GPHN: variants seen among roughly 807,000 people sequenced by gnomAD.
The protein encoded by GPHN is gephyrin.
In GPHN, 17 loss-of-function variants were observed where a neutral mutation model predicts 95.5. The observed-to-expected ratio is 0.18, with a 90% confidence interval of 0.12 to 0.27. The LOEUF is 0.27. Ranked by LOEUF, GPHN falls within the 10% of genes least tolerant of loss-of-function variation. The probability of loss-of-function intolerance (pLI) is 1.00; values close to 1 mark genes in which losing one functional copy is unlikely to be tolerated. For missense variants in GPHN, 660 were observed against 978.1 expected (o/e 0.67, Z 4.34); for synonymous variants, 320 against 322.5 (o/e 0.99, Z 0.08).
At chr14:66,656,774 G>A (rs2065331317) in intron 1 of GPHN, among the ~76,000 whole-genome samples, 1 of 152,116 alleles carries the variant, frequency 6.6e-6, no homozygotes, top group South Asian at 2.1e-4. Flanking sequence ...AATAAATGTT[G>A]TGTGTGTTCT....
In GPHN at chr14:66,555,711, A is replaced by G. The variant is rs374751222; in HGVS notation, c.64+47120A>G. Among the ~76,000 whole-genome samples the G allele has an allele frequency of 5.3e-5, 8 of 152,278 alleles. No individual in the cohort carries two copies. The East Asian group carries it at 1.5e-3, about 29-fold the overall frequency. On this transcript the variant is annotated intron_variant, in intron 1 of 22. Transcript: ENST00000478722. ...TTTGGGATTTCTCCTGAGTCATCTT[A>G]GGAGAACACTAACTTATCTGTTAGT...
At chr14:67,011,254 A>G (rs2072982497) in intron 9 of GPHN, among the ~76,000 whole-genome samples, 1 of 152,062 alleles carries the variant, frequency 6.6e-6, no homozygotes, top group Non-Finnish European at 1.5e-5. Context: ...TTTCCTTTGC[A>G]TAGAATTCTC....
the GPHN span, among the ~76,000 whole-genome samples, chr14:67,622,433 G>C: frequency 6.6e-6 from 1 of 152,166 alleles, no homozygotes; most frequent in Non-Finnish European, 1.5e-5. Flanking sequence ...TGGATATGGT[G>C]ACATGGATTC....
the GPHN span, chr14:67,317,332 T>C: frequency 7.9e-7 from 1 of 1,258,990 alleles, no homozygotes; most frequent in Non-Finnish European, 1.1e-6. Flanking sequence ...AATGAATAAA[T>C]AGAGTTCTTC....
the GPHN span, among the ~76,000 whole-genome samples, chr14:67,380,993 C>A: frequency 6.6e-6 from 1 of 152,090 alleles, no homozygotes; most frequent in Non-Finnish European, 1.5e-5. Flanking sequence ...CTAAAGGTAG[C>A]CCTTTTTTTA....
intron 1 of GPHN, among the ~76,000 whole-genome samples, chr14:66,652,821 C>T (rs540371564): frequency 9.3e-4 from 142 of 152,220 alleles, no homozygotes; most frequent in African/African-American, 3.3e-3. Context: ...CTCCTTTCTC[C>T]CATCCCAGCA....
At chr14:67,104,029 G>GTACACTCATTCTTTCTATA (rs2077891050) in intron 13 of GPHN, among the ~76,000 whole-genome samples, 1 of 151,970 alleles carries the variant, frequency 6.6e-6, no homozygotes, top group Non-Finnish European at 1.5e-5. Context: ...CCTTCACTGT[G>GTACACTCATTCTTTCTATA]TACACTCATT....
the GPHN span, chr14:67,592,789 T>C: frequency 1.0e-6 from 1 of 967,212 alleles, no homozygotes; most frequent in Non-Finnish European, 1.6e-6. Flanking sequence ...CTTTTTCCTT[T>C]ATTTATTTAT....
chr14:66,752,980 G>A (rs1047298564), intron 2 of GPHN, among the ~76,000 whole-genome samples: 1 of 150,086 alleles, frequency 6.7e-6, no homozygotes, highest in South Asian at 2.1e-4. Context: ...ATAAATAATT[G>A]TAATATAGAA....
At chr14:67,218,370 G>A in the GPHN span, among the ~76,000 whole-genome samples, 1 of 152,094 alleles carries the variant, frequency 6.6e-6, no homozygotes, top group African/African-American at 2.4e-5. Flanking sequence ...TTACTGGGTG[G>A]GTGGCCCACA....
At chr14:67,094,029 A>G (rs1377352276) in intron 12 of GPHN, among the ~76,000 whole-genome samples, 7 of 152,100 alleles carry the variant, frequency 4.6e-5, no homozygotes, top group East Asian at 1.9e-4. Flanking sequence ...TGCCATCTCT[A>G]TGTGCTCTAA....
chr14:67,541,335 TC>T, the GPHN span, among the ~76,000 whole-genome samples: 6 of 152,360 alleles, frequency 3.9e-5, no homozygotes, highest in African/African-American at 1.4e-4. Flanking sequence ...CTCCCACTTT[TC>T]CCAGCTCCCA....
chr14:66,681,338 A>C (rs143153065), intron 2 of GPHN, among the ~76,000 whole-genome samples, 153 bp downstream of exon 2: 4 of 152,294 alleles, frequency 2.6e-5, no homozygotes, highest in Non-Finnish European at 4.4e-5. Context: ...CTGACAGAAC[A>C]GTTCAGAAAT....
chr14:67,100,817 C>T, intron 12 of GPHN, 39 bp from the exon 13 acceptor site: 1 of 1,354,688 alleles, frequency 7.4e-7, no homozygotes, highest in Middle Eastern at 1.8e-4. Context: ...GCTGTAGGTC[C>T]ATACTGATGT....
At chr14:66,718,375 G>C (rs184633084) in intron 2 of GPHN, among the ~76,000 whole-genome samples, 96 of 152,162 alleles carry the variant, frequency 6.3e-4, no homozygotes, top group Non-Finnish European at 1.1e-3. Flanking sequence ...CGATGGGTTC[G>C]TGGTCTCGCT....
At chr14:67,502,856 A>G in the GPHN span, among the ~76,000 whole-genome samples, 351 of 152,292 alleles carry the variant, frequency 2.3e-3, 2 homozygotes, top group African/African-American at 7.9e-3. Flanking sequence ...TTCTGTGTGT[A>G]AAACCTTGTA....
At chr14:67,668,732 T>G in the GPHN span, among the ~76,000 whole-genome samples, 1 of 152,182 alleles carries the variant, frequency 6.6e-6, no homozygotes, top group Non-Finnish European at 1.5e-5. Context: ...AGAAACCCCC[T>G]GGAGGGCTGT....
At position 66,740,953 on chromosome 14, in the gene GPHN, G is replaced by T. The variant is rs547928196; in HGVS notation, c.144-35511G>T. ...GAAAGCCGGGAAGTCCAGTATCAAG[G>T]TGCTAGCATCTGGTGAGGGCCTTCT... On this transcript the variant is annotated intron_variant, in intron 2 of 22. Coordinates refer to ENST00000478722, the MANE Select transcript of GPHN (RefSeq NM_020806.5). 2.6e-5 allele frequency among the ~76,000 whole-genome samples: 4 copies of T among 152,282 alleles called. No individual in the cohort carries two copies. In the South Asian group the frequency reaches 8.3e-4, roughly 32 times the overall value.
intron 2 of GPHN, among the ~76,000 whole-genome samples, chr14:66,745,048 G>A (rs1473398779): frequency 1.3e-5 from 2 of 151,986 alleles, no homozygotes; most frequent in African/African-American, 4.8e-5. Context: ...GTTTTTCAGT[G>A]TTAAAATTCT....
Sources: allele counts gnomAD v4.1 joint callset (sites outside exome capture counted in the v4.1 genomes callset), GRCh38; gene constraint gnomAD v4.1.1; transcripts MANE v1.5; gene names NCBI Gene and HGNC (gene_info 2026-07-23, HGNC 2026-07-21).